Variants in THRB observed in about 807,000 individuals in gnomAD.
THRB encodes thyroid hormone receptor beta, also known as nuclear receptor subfamily 1 group A member 2.
In THRB, 12 loss-of-function variants were observed where a neutral mutation model predicts 47.8. The ratio of observed to expected loss-of-function variants is 0.25; its 90% CI spans 0.16 to 0.41. The LOEUF (loss-of-function observed/expected upper bound fraction) is 0.41. Ranked by LOEUF, THRB falls within the 10% of genes least tolerant of loss-of-function variation. The pLI is 1.00. For synonymous variants in THRB, 218 were observed against 212.2 expected, an observed-to-expected ratio of 1.03 and a Z score of -0.24; for missense variants, 348 against 589.2, an observed-to-expected ratio of 0.59 and a Z score of 4.24.
At chr3:24,477,220 C>T (rs1456448791) in intron 1 of THRB, among the ~76,000 whole-genome samples, 1 of 151,820 alleles carries the variant, frequency 6.6e-6, no homozygotes. Flanking sequence ...TTGATCGTGA[C>T]TTATTATGTT....
intron 3 of THRB, among the ~76,000 whole-genome samples, chr3:24,250,978 C>A (rs1215745264): frequency 1.3e-5 from 2 of 150,920 alleles, no homozygotes; most frequent in Non-Finnish European, 3.0e-5. Flanking sequence ...AGAAATGTGA[C>A]AAAACAATCT....
intron 5 of THRB, 123 bp downstream of exon 5, chr3:24,189,951 A>G (rs2043117782): frequency 1.1e-5 from 10 of 924,952 alleles, no homozygotes; most frequent in East Asian, 2.4e-5. Flanking sequence ...GTAAAAGAAC[A>G]GTTGGAGAAA....
At chr3:24,299,507 A>T (rs1274600881) in intron 2 of THRB, among the ~76,000 whole-genome samples, 2 of 151,980 alleles carry the variant, frequency 1.3e-5, no homozygotes, top group East Asian at 3.9e-4. Context: ...TACAGACCCG[A>T]TGCTGTATCC....
At chr3:24,125,571 C>T (rs2032600824) in intron 10 of THRB, among the ~76,000 whole-genome samples, 2 of 152,184 alleles carry the variant, frequency 1.3e-5, no homozygotes, top group South Asian at 4.1e-4. Flanking sequence ...CCCAAAGTCA[C>T]ACAAGGAGTC....
At chr3:24,128,891 C>T (rs1305168645) in intron 9 of THRB, among the ~76,000 whole-genome samples, 12 of 55,150 alleles carry the variant, frequency 2.2e-4, no homozygotes, top group Admixed American at 8.3e-4. Flanking sequence ...TTTTTTTTTA[C>T]CATGGATATG....
intron 2 of THRB, among the ~76,000 whole-genome samples, chr3:24,326,539 T>C (rs1164874035): frequency 6.6e-6 from 1 of 152,034 alleles, no homozygotes; most frequent in Non-Finnish European, 1.5e-5. Context: ...CCCGGCCAGT[T>C]ACAACTTTCT....
At chr3:24,173,583 T>C (rs187862850) in intron 5 of THRB, among the ~76,000 whole-genome samples, 3 of 152,262 alleles carry the variant, frequency 2.0e-5, no homozygotes, top group East Asian at 3.9e-4. Context: ...AGCTCTCTGC[T>C]TCCACCCAAC....
intron 1 of THRB, among the ~76,000 whole-genome samples, chr3:24,375,788 ATTTTC>A (rs60099609): frequency 0.02 from 3,099 of 151,724 alleles, 97 homozygotes; most frequent in African/African-American, 0.07. Context: ...CTGGAATTTG[ATTTTC>A]TTTTCTTTTC....
intron 2 of THRB, among the ~76,000 whole-genome samples, chr3:24,307,422 T>C (rs2057431280): frequency 6.6e-6 from 1 of 152,108 alleles, no homozygotes; most frequent in Non-Finnish European, 1.5e-5. Context: ...CTAAATAAAT[T>C]CCCTTCTTAT....
intron 3 of THRB, among the ~76,000 whole-genome samples, chr3:24,244,998 A>T (rs185808540): frequency 6.6e-6 from 1 of 152,292 alleles, no homozygotes; most frequent in African/African-American, 2.4e-5. Context: ...CAGTGCACAA[A>T]GGGTCTGTTT....
chr3:24,162,675 G>C (rs949539112), intron 5 of THRB, among the ~76,000 whole-genome samples: 1 of 131,010 alleles, frequency 7.6e-6, no homozygotes, highest in African/African-American at 3.4e-5. Flanking sequence ...TTATTCTGTC[G>C]GCTATGAATG....
chr3:24,244,881 T>A (rs976616402), intron 3 of THRB, among the ~76,000 whole-genome samples: 9 of 152,214 alleles, frequency 5.9e-5, no homozygotes, highest in African/African-American at 2.2e-4. Flanking sequence ...AAGACCATTC[T>A]CCCTCTTCTG....
intron 3 of THRB, among the ~76,000 whole-genome samples, chr3:24,238,601 C>A (rs2049158630): frequency 6.6e-6 from 1 of 152,094 alleles, no homozygotes; most frequent in South Asian, 2.1e-4. Context: ...TAGTACTTGA[C>A]CCCTTGATAG....
intron 3 of THRB, among the ~76,000 whole-genome samples, chr3:24,250,025 G>A (rs1048674135): frequency 6.6e-6 from 1 of 152,134 alleles, no homozygotes; most frequent in Admixed American, 6.5e-5. Flanking sequence ...CCAAAGGTGA[G>A]GGCAAAGCAC....
intron 3 of THRB, among the ~76,000 whole-genome samples, chr3:24,277,096 G>A (rs763964329): frequency 7.9e-5 from 12 of 152,198 alleles, no homozygotes; most frequent in Admixed American, 3.3e-4. Flanking sequence ...TGTCAACGTT[G>A]CCATAGAAGA....
chr3:24,249,064 A>G (rs952005696), intron 3 of THRB, among the ~76,000 whole-genome samples: 15 of 152,208 alleles, frequency 9.9e-5, no homozygotes, highest in African/African-American at 3.4e-4. Flanking sequence ...GTGCAGTAGC[A>G]GAAACAACAC....
intron 1 of THRB, among the ~76,000 whole-genome samples, chr3:24,354,223 G>T (rs1289576592): frequency 6.6e-6 from 1 of 152,082 alleles, no homozygotes; most frequent in African/African-American, 2.4e-5. Context: ...AGGGCCTTTT[G>T]GGTGGAGGAT....
chr3:24,450,923 G>A (rs2072587854), intron 1 of THRB, among the ~76,000 whole-genome samples: 2 of 152,128 alleles, frequency 1.3e-5, no homozygotes, highest in Non-Finnish European at 2.9e-5. Context: ...GCATTATGAA[G>A]TCTGTTATAT....
chr3:24,402,499 CTTTT>C (rs60751951), intron 1 of THRB, among the ~76,000 whole-genome samples: 2 of 134,814 alleles, frequency 1.5e-5, no homozygotes, highest in Non-Finnish European at 3.1e-5. Flanking sequence ...TTCTTTCTTC[CTTTT>C]TTTTTTTTTT....
Sources: gnomAD v4.1 joint callset for allele counts (sites outside exome capture counted in the v4.1 genomes callset) on GRCh38, gnomAD v4.1.1 for gene constraint, MANE v1.5 for transcripts, NCBI Gene and HGNC (gene_info 2026-07-23, HGNC 2026-07-21) for gene names.